DCLK1: variants seen among roughly 807,000 people sequenced by gnomAD.
The protein encoded by DCLK1 is serine/threonine-protein kinase DCLK1.
In DCLK1, 16 loss-of-function variants were observed where a neutral mutation model predicts 86.2. That is an observed-to-expected ratio of 0.19 (90% CI 0.13 to 0.28). The LOEUF is 0.28. Among genes scored for constraint, DCLK1 ranks in the 10% least tolerant of loss-of-function variants. The probability of loss-of-function intolerance (pLI) is 1.00; values close to 1 mark genes in which losing one functional copy is unlikely to be tolerated. For missense variants in DCLK1, 590 were observed against 940.2 expected (o/e 0.63, Z 4.87); for synonymous variants, 369 against 370.5 (o/e 1.00, Z 0.05).
intron 3 of DCLK1, among the ~76,000 whole-genome samples, chr13:35,948,461 C>T (rs890261551): frequency 1.3e-5 from 2 of 152,144 alleles, no homozygotes; most frequent in African/African-American, 4.8e-5. Flanking sequence ...GTTTGTAATG[C>T]GCTCCTCTCT....
intron 3 of DCLK1, among the ~76,000 whole-genome samples, chr13:35,990,432 C>A (rs1228502657): frequency 6.6e-6 from 1 of 152,004 alleles, no homozygotes; most frequent in Non-Finnish European, 1.5e-5. Context: ...GCTATTGCGC[C>A]TCTGATCTCT....
chr13:35,846,589 G>A (rs901727469), intron 6 of DCLK1: 4 of 985,074 alleles, frequency 4.1e-6, no homozygotes, highest in African/African-American at 1.7e-5. Flanking sequence ...TGCATAACAG[G>A]CACAAAATTA....
chr13:35,955,408 T>C (rs1877926248), intron 3 of DCLK1, among the ~76,000 whole-genome samples: 1 of 151,948 alleles, frequency 6.6e-6, no homozygotes, highest in South Asian at 2.1e-4. Context: ...CCTCACGAGG[T>C]AGAAGGGACA....
At chr13:35,942,253 G>A (rs185200844) in intron 4 of DCLK1, among the ~76,000 whole-genome samples, 148 of 151,946 alleles carry the variant, frequency 9.7e-4, no homozygotes, top group Non-Finnish European at 1.8e-3. Context: ...TGCAACCTCC[G>A]CCTCCCGGGT....
At chr13:35,900,367 A>T (rs1171060) in intron 4 of DCLK1, among the ~76,000 whole-genome samples, 34,424 of 151,690 alleles carry the variant, frequency 0.23, 4,424 homozygotes, top group African/African-American at 0.32. Context: ...CAGCCTTCCA[A>T]GTAGCCGGGA....
intron 3 of DCLK1, among the ~76,000 whole-genome samples, chr13:36,030,677 T>A (rs180842547): frequency 3.8e-4 from 58 of 152,144 alleles, no homozygotes; most frequent in African/African-American, 1.3e-3. Flanking sequence ...TTATTCAAAT[T>A]TGGGGACAGT....
chr13:36,078,817 G>A (rs1252677570), intron 3 of DCLK1, among the ~76,000 whole-genome samples: 1 of 152,140 alleles, frequency 6.6e-6, no homozygotes, highest in African/African-American at 2.4e-5. Context: ...TACGTAATGT[G>A]AATCATTTCC....
intron 3 of DCLK1, among the ~76,000 whole-genome samples, chr13:35,970,918 G>T (rs1879031047): frequency 6.6e-6 from 1 of 152,184 alleles, no homozygotes; most frequent in Non-Finnish European, 1.5e-5. Context: ...ACACGGGGCA[G>T]TGGCAGAACA....
chr13:35,817,263 C>G (rs2087289122), intron 11 of DCLK1, among the ~76,000 whole-genome samples: 1 of 152,100 alleles, frequency 6.6e-6, no homozygotes, highest in Non-Finnish European at 1.5e-5. Context: ...GAACAAGAGG[C>G]CCAGTAAACA....
rs1386348468 is a variant in DCLK1 at position 35,855,407 on chromosome 13, G to A, written c.941-814C>T. On this transcript the variant is annotated intron_variant, in intron 5 of 16. Transcript: ENST00000360631. ...TTTTACCTGTAAAAATGGCATTACAGCCCCACAGTCAGTGAAGTAGAATTA... is the reference window on the plus strand; with the variant it reads ...TTTTACCTGTAAAAATGGCATTACAACCCCACAGTCAGTGAAGTAGAATTA... 9 of 1,166,724 alleles carry A rather than the reference G, an allele frequency of 7.7e-6. No homozygotes were observed. The South Asian group carries it at 1.1e-4, about 15-fold the overall frequency. The allele number at this position is 1,166,724 out of a possible 1,614,324, so 72.3% of individuals were successfully genotyped here.
intron 15 of DCLK1, among the ~76,000 whole-genome samples, chr13:35,805,082 T>A (rs919806523): frequency 1.3e-5 from 2 of 152,172 alleles, no homozygotes; most frequent in Non-Finnish European, 2.9e-5. Context: ...ACTCAGAAAG[T>A]CTGTTATGCC....
chr13:36,130,659 A>G (rs1302948128), intron 1 of DCLK1, among the ~76,000 whole-genome samples: 6 of 152,110 alleles, frequency 3.9e-5, no homozygotes, highest in African/African-American at 2.4e-5. Context: ...GACCCCATCC[A>G]CAAGCACACA....
intron 3 of DCLK1, among the ~76,000 whole-genome samples, chr13:35,959,955 C>T (rs1480910818): frequency 6.6e-6 from 1 of 151,874 alleles, no homozygotes; most frequent in Non-Finnish European, 1.5e-5. Flanking sequence ...GCTTACATTC[C>T]TGTCCTGGGA....
At chr13:35,827,473 G>A (rs1868571920) in intron 10 of DCLK1, among the ~76,000 whole-genome samples, 162 bp downstream of exon 10, 1 of 152,190 alleles carries the variant, frequency 6.6e-6, no homozygotes. Flanking sequence ...GCTGGGACTT[G>A]AGCCCTTGTG....
At chr13:35,897,414 G>T (rs1286977859) in intron 4 of DCLK1, among the ~76,000 whole-genome samples, 1 of 152,104 alleles carries the variant, frequency 6.6e-6, no homozygotes. Context: ...CCAGGTGTGA[G>T]GTAAGACTGG....
chr13:35,867,745 G>A (rs561981648), intron 5 of DCLK1, among the ~76,000 whole-genome samples: 1 of 151,596 alleles, frequency 6.6e-6, no homozygotes, highest in African/African-American at 2.4e-5. Context: ...TGAAATTATT[G>A]CCTATATGCA....
At chr13:35,990,522 C>A (rs1880173830) in intron 3 of DCLK1, among the ~76,000 whole-genome samples, 1 of 152,076 alleles carries the variant, frequency 6.6e-6, no homozygotes, top group Non-Finnish European at 1.5e-5. Flanking sequence ...TCATGCCTGG[C>A]CAATCCCAGC....
At chr13:36,047,358 CAA>C (rs1882953059) in intron 3 of DCLK1, among the ~76,000 whole-genome samples, 1 of 152,162 alleles carries the variant, frequency 6.6e-6, no homozygotes. Flanking sequence ...ATCAGTGTGT[CAA>C]AGAGATCTGC....
chr13:35,895,770 T>C (rs966630666), intron 4 of DCLK1, among the ~76,000 whole-genome samples: 10 of 151,566 alleles, frequency 6.6e-5, no homozygotes, highest in African/African-American at 1.9e-4. Flanking sequence ...AAAACAGTAA[T>C]TGCCTATACT....
Sources: allele counts gnomAD v4.1 joint callset (sites outside exome capture counted in the v4.1 genomes callset), GRCh38; gene constraint gnomAD v4.1.1; transcripts MANE v1.5; gene names NCBI Gene and HGNC (gene_info 2026-07-23, HGNC 2026-07-21).